MMP16: variants seen among roughly 807,000 people sequenced by gnomAD.
The protein encoded by MMP16 is matrix metallopeptidase 16.
A neutral mutation model predicts 67.8 loss-of-function variants in MMP16; 12 were observed. That is an observed-to-expected ratio of 0.18 (90% CI 0.11 to 0.29). The LOEUF is 0.29. MMP16 is among the 10% of genes least tolerant of loss of function. The probability of loss-of-function intolerance (pLI) is 1.00; values close to 1 mark genes in which losing one functional copy is unlikely to be tolerated. For missense variants in MMP16, 475 were observed against 765.7 expected, an observed-to-expected ratio of 0.62 and a Z score of 4.48; for synonymous variants, 249 against 255.9, an observed-to-expected ratio of 0.97 and a Z score of 0.26.
At chr8:88,062,814 AT>A (rs1390432536) in intron 7 of MMP16, among the ~76,000 whole-genome samples, 1 of 152,166 alleles carries the variant, frequency 6.6e-6, no homozygotes, top group Non-Finnish European at 1.5e-5. Context: ...AATAAAAAAA[AT>A]TAAAAAAGAA....
At chr8:88,325,681 T>C (rs1394345959) in intron 1 of MMP16, among the ~76,000 whole-genome samples, 1 of 152,250 alleles carries the variant, frequency 6.6e-6, no homozygotes, top group African/African-American at 2.4e-5. Flanking sequence ...CTTTCTCTTT[T>C]TATCTAGAAA....
At chr8:88,164,428 C>T (rs558197017) in intron 4 of MMP16, among the ~76,000 whole-genome samples, 6 of 152,146 alleles carry the variant, frequency 3.9e-5, no homozygotes, top group South Asian at 2.1e-4. Context: ...CTCCCCATAG[C>T]CACCAGTACC....
In MMP16 at chr8:88,270,170, G is replaced by A. The variant is rs866771564; in HGVS notation, c.132+56905C>T. ...GTGACTCATAGAGGATCTCAACAAA[G>A]TTGACTAAATGCATTACAGGATTAT... On this transcript the variant is annotated intron_variant, in intron 1 of 9. Transcript: ENST00000286614. 2.6e-5 allele frequency among the ~76,000 whole-genome samples: 4 copies of A among 152,134 alleles called. No homozygotes were observed. In the South Asian group the frequency reaches 6.2e-4, roughly 24 times the overall value.
chr8:88,257,505 A>G (rs573113480), intron 1 of MMP16, among the ~76,000 whole-genome samples: 10 of 152,362 alleles, frequency 6.6e-5, no homozygotes, highest in African/African-American at 2.4e-4. Flanking sequence ...GGCATATGCC[A>G]TTCTCCTAGC....
chr8:88,265,243 T>TTTTTTTA (rs1554589926), intron 1 of MMP16, among the ~76,000 whole-genome samples: 1 of 149,170 alleles, frequency 6.7e-6, no homozygotes, highest in Non-Finnish European at 1.5e-5. Flanking sequence ...TTTTTTTTTT[T>TTTTTTTA]CAGATACAGA....
At chr8:88,142,214 A>G (rs1164540744) in intron 4 of MMP16, among the ~76,000 whole-genome samples, 1 of 152,006 alleles carries the variant, frequency 6.6e-6, no homozygotes, top group African/African-American at 2.4e-5. Context: ...CCGGCCATAA[A>G]TACGTTCATT....
intron 4 of MMP16, among the ~76,000 whole-genome samples, chr8:88,157,311 G>A (rs976174730): frequency 6.6e-6 from 1 of 151,938 alleles, no homozygotes; most frequent in Non-Finnish European, 1.5e-5. Flanking sequence ...GGTAGTATAA[G>A]TAGGCTAAAG....
At chr8:88,312,508 C>A (rs952500829) in intron 1 of MMP16, among the ~76,000 whole-genome samples, 17 of 151,890 alleles carry the variant, frequency 1.1e-4, no homozygotes, top group Non-Finnish European at 2.5e-4. Flanking sequence ...TTTAAGTGTA[C>A]AATTTGATAA....
chr8:88,085,499 T>C (rs1426770457), intron 6 of MMP16, among the ~76,000 whole-genome samples: 2 of 152,040 alleles, frequency 1.3e-5, no homozygotes, highest in African/African-American at 4.8e-5. Flanking sequence ...CTGTGAGAAA[T>C]GATGCAGCAG....
chr8:88,270,146 T>G (rs1187923415), intron 1 of MMP16, among the ~76,000 whole-genome samples: 1 of 152,196 alleles, frequency 6.6e-6, no homozygotes, highest in Non-Finnish European at 1.5e-5. Flanking sequence ...CTCAACATGG[T>G]GACTCATAGA....
chr8:88,220,491 A>G (rs1052231421), intron 1 of MMP16, among the ~76,000 whole-genome samples: 2 of 151,750 alleles, frequency 1.3e-5, no homozygotes, highest in Admixed American at 1.3e-4. Context: ...GTAAATTGGC[A>G]GATCTGGAGA....
intron 1 of MMP16, among the ~76,000 whole-genome samples, chr8:88,204,845 T>C (rs1053458226): frequency 2.0e-5 from 3 of 152,216 alleles, no homozygotes; most frequent in African/African-American, 7.2e-5. Flanking sequence ...GATATTAGAT[T>C]CTATTCTGAC....
At chr8:88,156,643 T>C (rs1326066340) in intron 4 of MMP16, among the ~76,000 whole-genome samples, 1 of 152,116 alleles carries the variant, frequency 6.6e-6, no homozygotes, top group Non-Finnish European at 1.5e-5. Context: ...AAAAAGCTGT[T>C]ATTAATCTTA....
At chr8:88,236,572 A>T (rs1017291648) in intron 1 of MMP16, among the ~76,000 whole-genome samples, 2 of 152,070 alleles carry the variant, frequency 1.3e-5, no homozygotes, top group Non-Finnish European at 2.9e-5. Context: ...CCTGGGCAAC[A>T]TGACAAAACC....
At chr8:88,130,037 A>G (rs530006727) in intron 4 of MMP16, among the ~76,000 whole-genome samples, 1 of 151,912 alleles carries the variant, frequency 6.6e-6, no homozygotes, top group Non-Finnish European at 1.5e-5. Context: ...AGAAAAGACA[A>G]ATGTGTTTGC....
At chr8:88,175,177 C>T (rs1808867289) in intron 3 of MMP16, among the ~76,000 whole-genome samples, 2 of 152,118 alleles carry the variant, frequency 1.3e-5, no homozygotes, top group African/African-American at 4.8e-5. Flanking sequence ...AAATTAGCAT[C>T]ACCACTGCTT....
At chr8:88,069,378 G>A in intron 7 of MMP16, 1 of 478,642 alleles carries the variant, frequency 2.1e-6, no homozygotes. Flanking sequence ...TTGTTAGTAT[G>A]TGATGGAAGA....
chr8:88,083,844 T>C (rs764318531), intron 6 of MMP16, among the ~76,000 whole-genome samples: 3 of 152,014 alleles, frequency 2.0e-5, no homozygotes, highest in Admixed American at 6.6e-5. Flanking sequence ...ATTCCATCTA[T>C]TATTGAGAAA....
chr8:88,137,270 A>C (rs1355267614), intron 4 of MMP16, among the ~76,000 whole-genome samples: 1 of 151,804 alleles, frequency 6.6e-6, no homozygotes, highest in Non-Finnish European at 1.5e-5. Context: ...TAGGACTGTA[A>C]AGGGTCTGAG....
Sources: gnomAD v4.1 joint callset for allele counts (sites outside exome capture counted in the v4.1 genomes callset) on GRCh38, gnomAD v4.1.1 for gene constraint, MANE v1.5 for transcripts, NCBI Gene and HGNC (gene_info 2026-07-23, HGNC 2026-07-21) for gene names.